The following ADGRV1 variants were observed in gnomAD, a reference collection of about 807,000 sequenced individuals.
ADGRV1 encodes G-protein coupled receptor 98.
Under a neutral mutation model 596.2 loss-of-function variants are expected in ADGRV1, and 359 were observed. The observed-to-expected ratio is 0.60, with a 90% CI of 0.55 to 0.66. The LOEUF (loss-of-function observed/expected upper bound fraction) is 0.66, where lower values mean the gene tolerates loss of function less well. ADGRV1 is among the 30% of genes least tolerant of loss of function. ADGRV1 has a pLI of 0.00. For synonymous variants in ADGRV1, 2,681 were observed against 2,679.2 expected (o/e 1.00, Z -0.02); for missense variants, 7,274 against 7,575.6 (o/e 0.96, Z 1.48).
At chr5:90,808,299 C>T (rs1320862005) in intron 73 of ADGRV1, among the ~76,000 whole-genome samples, 1 of 152,110 alleles carries the variant, frequency 6.6e-6, no homozygotes, top group Non-Finnish European at 1.5e-5. Context: ...AGAGGGCAGA[C>T]CTGCTATTCA....
intron 84 of ADGRV1, among the ~76,000 whole-genome samples, chr5:90,978,782 A>G (rs1379606642): frequency 6.6e-6 from 1 of 152,216 alleles, no homozygotes; most frequent in Admixed American, 6.5e-5. Context: ...ATATATATGT[A>G]TATAAACAAA....
chr5:90,790,150 C>T (rs1759906962), intron 69 of ADGRV1, among the ~76,000 whole-genome samples: 1 of 152,104 alleles, frequency 6.6e-6, no homozygotes. Flanking sequence ...GAAGGCTTTC[C>T]TACTTAAGCC....
chr5:90,840,538 G>T (rs768764804), intron 77 of ADGRV1, 40 bp from the exon 78 acceptor site: 66 of 1,494,502 alleles, frequency 4.4e-5, no homozygotes, highest in Non-Finnish European at 5.8e-5. Flanking sequence ...AAGATCAGAG[G>T]TGTCATAGAT....
chr5:90,847,615 G>C (rs71637315), intron 78 of ADGRV1, among the ~76,000 whole-genome samples: 2,227 of 152,264 alleles, frequency 0.015, 21 homozygotes, highest in Non-Finnish European at 0.024. Flanking sequence ...CCACGGTGGT[G>C]GGGGGAGGCT....
At chr5:90,560,454 T>C (rs948647071) in intron 1 of ADGRV1, among the ~76,000 whole-genome samples, 2 of 152,142 alleles carry the variant, frequency 1.3e-5, no homozygotes, top group African/African-American at 4.8e-5. Context: ...AATAGTAGTA[T>C]ATCCCAATTT....
intron 81 of ADGRV1, 80 bp downstream of exon 81, chr5:90,854,281 G>A: frequency 9.9e-7 from 1 of 1,011,120 alleles, no homozygotes; most frequent in Non-Finnish European, 1.4e-6. Flanking sequence ...TTTGTACTGA[G>A]CATAGATGGT....
intron 84 of ADGRV1, among the ~76,000 whole-genome samples, chr5:90,971,497 G>C (rs1258832715): frequency 2.0e-5 from 3 of 152,186 alleles, no homozygotes; most frequent in Non-Finnish European, 4.4e-5. Flanking sequence ...ACTAACAGCA[G>C]ATCTCTCCGC....
chr5:91,097,422 A>C (rs1345071726), intron 86 of ADGRV1, among the ~76,000 whole-genome samples: 2 of 152,240 alleles, frequency 1.3e-5, no homozygotes, highest in Non-Finnish European at 2.9e-5. Context: ...AGAACGTGGC[A>C]CTGACTAATA....
chr5:90,725,921 T>G (rs1751714296), intron 48 of ADGRV1, among the ~76,000 whole-genome samples: 1 of 152,184 alleles, frequency 6.6e-6, no homozygotes. Flanking sequence ...TGCAAAACAT[T>G]GTGGAGAAAC....
chr5:90,757,134 T>A lies in ADGRV1; in HGVS notation c.11913T>A (p.His3971Gln). Reference protein sequence around the residue: ...SAGLEDFKPSHGILEFADKQV... With the variant: ...SAGLEDFKPSQGILEFADKQV... Reference sequence around the variant, plus strand: ...GCCTGGAAGACTTTAAACCATCTCATGGGATTCTTGAATTTGCAGATAAAC... The same window carrying A: ...GCCTGGAAGACTTTAAACCATCTCAAGGGATTCTTGAATTTGCAGATAAAC... The change falls in exon 57 of 90, where the codon CAT becomes CAA. Residue 3971 changes from histidine to glutamine, a missense_variant. Physicochemically the swap from His to Gln is conservative, Grantham distance 24 (BLOSUM62 0). Coordinates refer to ENST00000405460, the MANE Select transcript of ADGRV1 (RefSeq NM_032119.4). 6.2e-7 allele frequency: 1 copy of A among 1,613,920 alleles called. No individual in the cohort carries two copies. The highest frequency in any genetic ancestry group is 1.1e-5 in the South Asian group (1 of 91,068).
In ADGRV1 at chr5:90,778,021, C is replaced by T. The variant is rs1412863964; in HGVS notation, c.12644C>T (p.Ser4215Phe). 6.3e-7 allele frequency: 1 copy of T among 1,579,530 alleles called. No individual in the cohort carries two copies. Among genetic ancestry groups the T allele is most frequent in the Non-Finnish European group, 8.6e-7 (1 of 1,161,002 alleles). The change falls in exon 62 of 90, where the codon TCT (serine) becomes TTT (phenylalanine). Residue 4215 changes from serine to phenylalanine, a missense_variant. Physicochemically the swap from Ser to Phe is radical, Grantham distance 155. Coordinates refer to ENST00000405460, the MANE Select transcript of ADGRV1 (RefSeq NM_032119.4). ...SGKLTMRDEQSAVIVVIQALN... is the reference protein window; with the variant it reads ...SGKLTMRDEQFAVIVVIQALN... ...AAACTGACAATGCGAGACGAACAGT[C>T]TGCAGTCATTGTAGTAATACAGGTA... is the stretch of plus-strand genomic sequence containing the variant.
chr5:90,798,442 C>T (rs967962170), intron 70 of ADGRV1, among the ~76,000 whole-genome samples: 19 of 152,114 alleles, frequency 1.2e-4, no homozygotes, highest in African/African-American at 4.6e-4. Flanking sequence ...TAATAGCCTA[C>T]CAACCAAAAA....
At chr5:90,824,544 T>A (rs1397519730) in intron 76 of ADGRV1, among the ~76,000 whole-genome samples, 1 of 152,376 alleles carries the variant, frequency 6.6e-6, no homozygotes. Context: ...ATCACATCAT[T>A]GTTTTTTGCT....
chr5:90,898,796 A>T (rs1271633310), intron 83 of ADGRV1, among the ~76,000 whole-genome samples: 2 of 152,132 alleles, frequency 1.3e-5, no homozygotes, highest in Non-Finnish European at 2.9e-5. Context: ...GATTTAAAAA[A>T]TTAGCCAGGT....
chr5:90,576,125 T>C (rs528326301), intron 1 of ADGRV1, among the ~76,000 whole-genome samples: 92 of 152,228 alleles, frequency 6.0e-4, no homozygotes, highest in African/African-American at 1.6e-3. Flanking sequence ...TCTATTATTA[T>C]TATTATACTT....
At chr5:90,731,381 C>G (rs1226873293) in intron 50 of ADGRV1, among the ~76,000 whole-genome samples, 1 of 152,192 alleles carries the variant, frequency 6.6e-6, no homozygotes, top group African/African-American at 2.4e-5. Flanking sequence ...CACCAGGTCC[C>G]TCCCCCAACA....
intron 85 of ADGRV1, among the ~76,000 whole-genome samples, chr5:91,050,934 G>A (rs183621489): frequency 7.2e-5 from 11 of 152,354 alleles, no homozygotes; most frequent in African/African-American, 2.6e-4. Context: ...AGGAGGGCAA[G>A]GACTTTTTGC....
chr5:90,676,331 T>TTA, intron 25 of ADGRV1, 122 bp downstream of exon 25: 2 of 912,760 alleles, frequency 2.2e-6, no homozygotes, highest in Non-Finnish European at 3.2e-6. Flanking sequence ...AATAAATTAT[T>TTA]AGTTTTTGAA....
chr5:90,855,932 A>G lies in ADGRV1; in HGVS notation c.17755+31A>G, dbSNP rs542911334. The G allele has an allele frequency of 2.6e-6, 4 of 1,528,478 alleles. No homozygotes were observed. The Admixed American group carries it at 5.2e-5, about 20-fold the overall frequency. 94.7% of individuals were successfully genotyped at this position (1,528,478 alleles called of 1,614,324 possible). A position where few individuals can be genotyped will look rare whatever the true frequency, so the allele number is the denominator to read the frequency against. On this transcript the variant is annotated intron_variant, in intron 82 of 89. Coordinates refer to ENST00000405460, the MANE Select transcript of ADGRV1 (RefSeq NM_032119.4). Reference sequence around the variant, plus strand: ...TGACAGTATTTTTGAATCAATGGTTATAAATATTTATGAAAATGAAAGTCT... The same window carrying G: ...TGACAGTATTTTTGAATCAATGGTTGTAAATATTTATGAAAATGAAAGTCT...
Sources: gnomAD v4.1 joint callset for allele counts (sites outside exome capture counted in the v4.1 genomes callset) on GRCh38, gnomAD v4.1.1 for gene constraint, MANE v1.5 for transcripts, NCBI Gene and HGNC (gene_info 2026-07-23, HGNC 2026-07-21) for gene names.